Variants in DOCK2 observed in about 807,000 individuals in gnomAD.
DOCK2 encodes dedicator of cytokinesis protein 2.
In DOCK2, 87 loss-of-function variants were observed where a neutral mutation model predicts 248.9. The ratio of observed to expected loss-of-function variants is 0.35; its 90% CI spans 0.29 to 0.42. The LOEUF (loss-of-function observed/expected upper bound fraction) is 0.42. DOCK2 is among the 10% of genes least tolerant of loss of function. DOCK2 has a pLI of 1.00. For synonymous variants in DOCK2, 805 were observed against 821.6 expected, an observed-to-expected ratio of 0.98 and a Z score of 0.35; for missense variants, 1,747 against 2,300.2, an observed-to-expected ratio of 0.76 and a Z score of 4.92.
intron 25 of DOCK2, among the ~76,000 whole-genome samples, chr5:169,771,519 G>T (rs953133249): frequency 2.0e-5 from 3 of 152,148 alleles, no homozygotes; most frequent in African/African-American, 7.2e-5. Context: ...CTGACCTTGT[G>T]ATCCCTCTGC....
At chr5:169,776,175 A>G (rs2113786350) in intron 25 of DOCK2, among the ~76,000 whole-genome samples, 1 of 123,476 alleles carries the variant, frequency 8.1e-6, no homozygotes, top group Admixed American at 8.7e-5. Context: ...ATTTATATAA[A>G]TATATATATA....
Position 169,939,638 on chromosome 5 carries a change from A to G in DOCK2, c.2800-43430A>G, listed in dbSNP as rs1776151234. 5.3e-5 allele frequency among the ~76,000 whole-genome samples: 8 copies of G among 152,260 alleles called. No individual in the cohort carries two copies. The South Asian group carries it at 1.7e-3, about 32-fold the overall frequency. ...TGATGCATTGTGTTATGACATTAGG[A>G]TGGGTGCGATGCCACTAGGAGGTAG... On this transcript the variant is annotated intron_variant, in intron 27 of 51. Transcript: ENST00000520908.
At chr5:169,894,717 C>T (rs1490963657) in intron 27 of DOCK2, among the ~76,000 whole-genome samples, 1 of 152,210 alleles carries the variant, frequency 6.6e-6, no homozygotes, top group Admixed American at 6.5e-5. Context: ...GTGCAACACA[C>T]AGTAGGTGCT....
At chr5:169,978,152 A>G (rs1777783615) in intron 27 of DOCK2, among the ~76,000 whole-genome samples, 1 of 152,236 alleles carries the variant, frequency 6.6e-6, no homozygotes, top group African/African-American at 2.4e-5. Flanking sequence ...ACCAGCTGGT[A>G]TCACATAGTA....
intron 1 of DOCK2, among the ~76,000 whole-genome samples, chr5:169,639,719 T>G (rs1757044600): frequency 6.6e-6 from 1 of 152,188 alleles, no homozygotes. Flanking sequence ...AAAAATGTAA[T>G]CACATGACTG....
chr5:170,032,105 C>T (rs535319866), intron 34 of DOCK2, among the ~76,000 whole-genome samples: 2 of 151,698 alleles, frequency 1.3e-5, no homozygotes, highest in Admixed American at 6.6e-5. Flanking sequence ...CGGCTCACTG[C>T]AAGCTCCACC....
chr5:169,882,669 G>T, intron 27 of DOCK2: 1 of 1,552,048 alleles, frequency 6.4e-7, no homozygotes, highest in Non-Finnish European at 8.7e-7. Flanking sequence ...CTTGGAGGTC[G>T]CAGAGTTCAC....
At chr5:170,023,227 G>A (rs1755791634) in intron 33 of DOCK2, among the ~76,000 whole-genome samples, 2 of 152,136 alleles carry the variant, frequency 1.3e-5, no homozygotes, top group Admixed American at 1.3e-4. Context: ...AGAAAGAAGA[G>A]GGGATAGCAT....
In DOCK2 at chr5:170,060,641, A is replaced by G. The variant is rs546038719; in HGVS notation, c.4467+2975A>G. On this transcript the variant is annotated intron_variant, in intron 44 of 51. Coordinates refer to ENST00000520908, the MANE Select transcript of DOCK2 (RefSeq NM_004946.3). ...TTGAACTGCCAAAGCAATTTGTGGC[A>G]GAACTCAGAGGTCATGAGAGAGCAC... 9.8e-5 allele frequency among the ~76,000 whole-genome samples: 15 copies of G among 152,370 alleles called. No individual in the cohort carries two copies. The East Asian group carries it at 1.9e-3, about 20-fold the overall frequency.
At chr5:169,952,291 T>C (rs758965858) in intron 27 of DOCK2, among the ~76,000 whole-genome samples, 7 of 152,170 alleles carry the variant, frequency 4.6e-5, no homozygotes, top group Non-Finnish European at 8.8e-5. Flanking sequence ...TATTGAGAAC[T>C]TGTTGTGTAC....
rs765412665 is a variant in DOCK2, at chr5:169,700,083, TG to T, written c.1204del (p.Asp402ThrfsTer72). 6.2e-7 allele frequency: 1 copy of T among 1,614,012 alleles called. No individual in the cohort carries two copies. Among genetic ancestry groups the T allele is most frequent in the Non-Finnish European group, 8.5e-7 (1 of 1,179,928 alleles). On this transcript the variant is annotated frameshift_variant, in exon 13 of 52. Transcript: ENST00000520908. LOFTEE classifies it high-confidence loss of function. ...IQIRKDYPHL[V>X]DRTTVVARKL... Reference sequence around the variant, plus strand: ...ATTCGCAAGGACTATCCACACCTGGTGGACAGGACCACCGTGGTGGCCAGGA... The same window carrying T: ...ATTCGCAAGGACTATCCACACCTGGTGACAGGACCACCGTGGTGGCCAGGA...
intron 8 of DOCK2, among the ~76,000 whole-genome samples, chr5:169,685,693 C>T (rs535242868): frequency 1.0e-3 from 158 of 152,298 alleles, no homozygotes; most frequent in African/African-American, 3.6e-3. Flanking sequence ...ACAGCGGCCT[C>T]CTGGAGACAT....
rs1417349724 is a variant in DOCK2, at chr5:169,869,370, T to A, written c.2799+28518T>A. On this transcript the variant is annotated intron_variant, in intron 27 of 51. Transcript: ENST00000520908. ...TAAAGGGGATTGAAAGTAACTTTCT[T>A]TTCAAGGCCAGGCAAATAGCAGAAT... is the stretch of plus-strand genomic sequence containing the variant. Among the ~76,000 whole-genome samples, 5 of 152,360 alleles carry A rather than the reference T, an allele frequency of 3.3e-5. No individual in the cohort carries two copies. In the South Asian group the frequency reaches 1.0e-3, roughly 32 times the overall value.
At chr5:169,685,904 A>G (rs141921785) in intron 8 of DOCK2, among the ~76,000 whole-genome samples, 16 of 152,314 alleles carry the variant, frequency 1.1e-4, no homozygotes, top group African/African-American at 3.8e-4. Flanking sequence ...AAGACAAGCT[A>G]TTTCCCACGT....
intron 6 of DOCK2, among the ~76,000 whole-genome samples, chr5:169,680,302 C>T (rs1480123361): frequency 6.6e-6 from 1 of 152,160 alleles, no homozygotes; most frequent in African/African-American, 2.4e-5. Flanking sequence ...ATGTAAAACA[C>T]TTATTGTATG....
At chr5:170,069,932 T>G (rs1044215248) in intron 46 of DOCK2, among the ~76,000 whole-genome samples, 3 of 152,168 alleles carry the variant, frequency 2.0e-5, no homozygotes, top group African/African-American at 7.2e-5. Flanking sequence ...TTCTATTCCT[T>G]GCCTCTCTGT....
At chr5:170,034,362 C>A in intron 34 of DOCK2, 37 bp from the exon 35 acceptor site, 1 of 1,610,760 alleles carries the variant, frequency 6.2e-7, no homozygotes, top group East Asian at 2.2e-5. Flanking sequence ...TCTTTCTCCC[C>A]AGCCATGAGC....
intron 27 of DOCK2, among the ~76,000 whole-genome samples, chr5:169,966,726 G>T (rs1777314518): frequency 6.6e-6 from 1 of 152,178 alleles, no homozygotes; most frequent in African/African-American, 2.4e-5. Flanking sequence ...TCTGGGACAA[G>T]TGTTGTTTCC....
At chr5:169,690,427 T>G (rs554997593) in intron 9 of DOCK2, among the ~76,000 whole-genome samples, 1 of 152,302 alleles carries the variant, frequency 6.6e-6, no homozygotes, top group African/African-American at 2.4e-5. Flanking sequence ...ATTTTTTGGT[T>G]ACAGCCCATT....
Sources: allele counts gnomAD v4.1 joint callset (sites outside exome capture counted in the v4.1 genomes callset), GRCh38; gene constraint gnomAD v4.1.1; transcripts MANE v1.5; gene names NCBI Gene and HGNC (gene_info 2026-07-23, HGNC 2026-07-21).